The following LPAR1 variants were observed in gnomAD, a reference collection of about 807,000 sequenced individuals.
The protein encoded by LPAR1 is lysophosphatidic acid receptor 1, also known as LPA receptor 1.
LPAR1 carries 5 observed loss-of-function variants against 23.8 expected under a neutral mutation model. The ratio of observed to expected loss-of-function variants is 0.21; its 90% confidence interval spans 0.11 to 0.44. The LOEUF (loss-of-function observed/expected upper bound fraction) is 0.44. LPAR1 is among the 20% of genes least tolerant of loss of function. The pLI, the probability that LPAR1 is intolerant of heterozygous loss-of-function variation, is 0.99. For synonymous variants in LPAR1, 160 were observed against 164.7 expected, an observed-to-expected ratio of 0.97 and a Z score of 0.22; for missense variants, 311 against 482.8, an observed-to-expected ratio of 0.64 and a Z score of 3.33.
intron 2 of LPAR1, among the ~76,000 whole-genome samples, chr9:110,973,852 CTAACAA>C (rs1224328578): frequency 6.6e-6 from 1 of 152,080 alleles, no homozygotes; most frequent in Non-Finnish European, 1.5e-5. Flanking sequence ...TTCATACTCC[CTAACAA>C]TATCTTTTCT....
rs566470372 is a variant in LPAR1, at chr9:111,003,149, T to C, written c.-181-29591A>G. On this transcript the variant is annotated intron_variant, in intron 2 of 5. Coordinates refer to ENST00000683809, the MANE Select transcript of LPAR1 (RefSeq NM_001351411.2). ...AACAGTTTTATTATGATAGTTTGTA[T>C]TTTATCAACGACTACATTAAAATTG... Among the ~76,000 whole-genome samples, 12 of 152,324 alleles carry C rather than the reference T, an allele frequency of 7.9e-5. No individual in the cohort carries two copies. In the South Asian group the frequency reaches 2.5e-3, roughly 32 times the overall value.
chr9:110,880,104 T>C (rs2080307461), intron 5 of LPAR1, among the ~76,000 whole-genome samples: 2 of 152,210 alleles, frequency 1.3e-5, no homozygotes, highest in Non-Finnish European at 2.9e-5. Context: ...AGTGGTTATA[T>C]TGTCCCCTGA....
At chr9:111,013,697 G>T (rs918973033) in intron 2 of LPAR1, among the ~76,000 whole-genome samples, 2 of 152,126 alleles carry the variant, frequency 1.3e-5, no homozygotes, top group Non-Finnish European at 2.9e-5. Context: ...GAAAAAAAGG[G>T]TGATCAGGGA....
intron 4 of LPAR1, among the ~76,000 whole-genome samples, chr9:110,968,434 C>T (rs770004180): frequency 3.9e-5 from 6 of 152,094 alleles, no homozygotes; most frequent in Non-Finnish European, 8.8e-5. Context: ...CTCCCTCTCT[C>T]TCTCTCTCTC....
chr9:110,902,031 G>A (rs1412709609), intron 5 of LPAR1, among the ~76,000 whole-genome samples: 2 of 152,054 alleles, frequency 1.3e-5, no homozygotes, highest in Non-Finnish European at 2.9e-5. Flanking sequence ...AAGGAAGCCA[G>A]AGAACTCCAA....
At chr9:110,938,608 T>C (rs955105813) in intron 5 of LPAR1, among the ~76,000 whole-genome samples, 2 of 151,754 alleles carry the variant, frequency 1.3e-5, no homozygotes, top group Non-Finnish European at 2.9e-5. Context: ...AATCCCAGCA[T>C]TTTGGGAGGC....
At chr9:111,007,645 C>T (rs1030005) in intron 2 of LPAR1, among the ~76,000 whole-genome samples, 24,058 of 152,034 alleles carry the variant, frequency 0.16, 2,263 homozygotes, top group African/African-American at 0.26. Flanking sequence ...GCTGCACTTT[C>T]GAGCACTGTG....
chr9:110,967,511 C>T lies in LPAR1; in HGVS notation c.45+4562G>A, dbSNP rs185541607. Among the ~76,000 whole-genome samples, 1,285 of 152,212 alleles carry T rather than the reference C, an allele frequency of 8.4e-3. 11 individuals are homozygous for T. Among genetic ancestry groups the T allele is most frequent in the African/African-American group, 0.029 (1,185 of 41,536 alleles). The stretch of plus-strand genomic sequence containing the variant: ...GTAACAAACAAAACCAAAAGTTTTT[C>T]TAAAAAATTGTTGTTTTGGCCTTAG... On this transcript the variant is annotated intron_variant, in intron 4 of 5. Transcript: ENST00000683809.
chr9:110,949,808 T>C (rs1454081880), intron 4 of LPAR1, among the ~76,000 whole-genome samples: 1 of 152,188 alleles, frequency 6.6e-6, no homozygotes, highest in Admixed American at 6.5e-5. Context: ...TGTGTGTATA[T>C]ATGACTAAAT....
chr9:111,028,132 ATT>A (rs564873913), intron 2 of LPAR1, among the ~76,000 whole-genome samples: 44 of 144,484 alleles, frequency 3.0e-4, no homozygotes, highest in African/African-American at 8.6e-4. Flanking sequence ...TGGAATAAGA[ATT>A]TTTTTTTTTT....
intron 5 of LPAR1, among the ~76,000 whole-genome samples, chr9:110,930,859 G>A (rs1316332500): frequency 2.0e-5 from 3 of 151,856 alleles, no homozygotes; most frequent in Non-Finnish European, 2.9e-5. Flanking sequence ...ATGTTGCGGT[G>A]AACCGAGATC....
intron 4 of LPAR1, among the ~76,000 whole-genome samples, chr9:110,963,695 A>T (rs2137533471): frequency 6.6e-6 from 1 of 152,348 alleles, no homozygotes; most frequent in South Asian, 2.1e-4. Context: ...CTTCCAGACT[A>T]ATCATGGGGA....
intron 5 of LPAR1, among the ~76,000 whole-genome samples, chr9:110,906,991 GAACAA>G (rs890171496): frequency 1.3e-5 from 2 of 149,112 alleles, no homozygotes; most frequent in African/African-American, 2.4e-5. Flanking sequence ...CTAGAATTAA[GAACAA>G]AACAAATTCT....
intron 2 of LPAR1, among the ~76,000 whole-genome samples, chr9:110,991,140 TAAGAG>T (rs1376129499): frequency 6.6e-6 from 1 of 152,146 alleles, no homozygotes; most frequent in Non-Finnish European, 1.5e-5. Context: ...GAGGAAAACA[TAAGAG>T]AAAATCATTG....
At chr9:110,925,750 G>A (rs549126772) in intron 5 of LPAR1, among the ~76,000 whole-genome samples, 33 of 152,264 alleles carry the variant, frequency 2.2e-4, no homozygotes, top group Admixed American at 1.1e-3. Context: ...TACATTCACC[G>A]CAGCATGTGC....
intron 2 of LPAR1, among the ~76,000 whole-genome samples, chr9:110,986,689 CAA>C (rs1048629543): frequency 2.6e-5 from 4 of 151,750 alleles, no homozygotes; most frequent in African/African-American, 9.7e-5. Flanking sequence ...GGGGTGGAAA[CAA>C]AGTGTCGAAA....
intron 5 of LPAR1, among the ~76,000 whole-genome samples, chr9:110,915,600 A>G (rs1346200318): frequency 6.6e-6 from 1 of 152,222 alleles, no homozygotes; most frequent in Non-Finnish European, 1.5e-5. Context: ...TCTAGAATTT[A>G]ATCTGTGAAC....
chr9:110,996,761 G>A (rs185882754), intron 2 of LPAR1, among the ~76,000 whole-genome samples: 10 of 152,284 alleles, frequency 6.6e-5, no homozygotes, highest in African/African-American at 1.4e-4. Context: ...GCAGAGAAGC[G>A]GCTCCAAGGG....
intron 2 of LPAR1, among the ~76,000 whole-genome samples, chr9:110,978,082 T>C (rs1186793139): frequency 6.6e-6 from 1 of 152,112 alleles, no homozygotes; most frequent in Non-Finnish European, 1.5e-5. Context: ...AAGAAATAGA[T>C]ATACTATATA....
Sources: allele counts gnomAD v4.1 joint callset (sites outside exome capture counted in the v4.1 genomes callset), GRCh38; gene constraint gnomAD v4.1.1; transcripts MANE v1.5; gene names NCBI Gene and HGNC (gene_info 2026-07-23, HGNC 2026-07-21).